Variants in STRIP1 observed in about 807,000 individuals in gnomAD.
STRIP1 encodes the protein striatin-interacting protein 1.
Under a neutral mutation model 106.2 loss-of-function variants are expected in STRIP1, and 63 were observed. The ratio of observed to expected loss-of-function variants is 0.59; its 90% CI spans 0.48 to 0.73. STRIP1 has a LOEUF of 0.73. Among genes scored for constraint, STRIP1 ranks in the 30% least tolerant of loss-of-function variants. STRIP1 has a pLI of 0.00. For missense variants in STRIP1, 857 were observed against 1,074.8 expected (o/e 0.80, Z 2.83); for synonymous variants, 390 against 413.0 (o/e 0.94, Z 0.67).
chr1:110,054,039 C>A lies in STRIP1; in HGVS notation c.*127C>A. On this transcript the variant is annotated 3_prime_UTR_variant, in exon 21 of 21. Transcript: ENST00000369795. ...GGCAGCACAGCCCCACTGTGTCTTC[C>A]GCAGTCTGTCCTGGGCTTGGGTGAG... is the stretch of plus-strand genomic sequence containing the variant. The A allele has an allele frequency of 1.6e-6, 2 of 1,235,482 alleles. No homozygotes were observed. The highest frequency in any genetic ancestry group is 2.3e-5 in the East Asian group (1 of 42,818). The allele number at this position is 1,235,482 out of a possible 1,614,324, so 76.5% of individuals were successfully genotyped here.
At chr1:110,049,422 G>A (rs199778125) in intron 16 of STRIP1, 38 bp from the exon 17 acceptor site, 97 of 1,433,118 alleles carry the variant, frequency 6.8e-5, no homozygotes, top group African/African-American at 2.9e-4. Flanking sequence ...CCCAAGGGCC[G>A]CGCCTTTTTT....
chr1:110,047,812 C>T lies in STRIP1; in HGVS notation c.1604C>T (p.Ser535Leu). 3 of 1,570,096 alleles carry T rather than the reference C, an allele frequency of 1.9e-6. No homozygotes were observed. Among genetic ancestry groups the T allele is most frequent in the Non-Finnish European group, 2.6e-6 (3 of 1,156,342 alleles). The part of the protein sequence containing the change: ...LKILLAAAPT[S>L]KAKTDSINIL... ...ATCCTGTTGGCTGCAGCACCCACCT[C>T]AAAAGCCAAAACAGACTCAATCAAC... The change falls in exon 15 of 21, where the codon TCA becomes TTA. Residue 535 changes from serine (S) to leucine (L), a missense_variant. Ser to Leu is a moderately radical substitution (Grantham distance 145). Transcript: ENST00000369795.
upstream of STRIP1, among the ~76,000 whole-genome samples, chr1:110,034,188 C>T (rs1445179653): frequency 6.6e-6 from 1 of 152,130 alleles, no homozygotes; most frequent in Non-Finnish European, 1.5e-5. Flanking sequence ...TCATTTTATC[C>T]CACTGCTTGG....
At chr1:110,034,851 G>C (rs1439052553) in intron 1 of STRIP1, 34 bp downstream of exon 1, 4 of 1,374,990 alleles carry the variant, frequency 2.9e-6, no homozygotes, top group Non-Finnish European at 3.8e-6. Flanking sequence ...CTCGCACCGG[G>C]TCGGGCGGCG....
chr1:110,045,211 C>A, intron 12 of STRIP1, 133 bp downstream of exon 12: 1 of 718,872 alleles, frequency 1.4e-6, no homozygotes, highest in Non-Finnish European at 2.4e-6. Flanking sequence ...GTGGACTTTG[C>A]AATAACCTTG....
At chr1:110,039,608 A>C in intron 5 of STRIP1, 93 bp downstream of exon 5, 1 of 1,423,892 alleles carries the variant, frequency 7.0e-7, no homozygotes. Flanking sequence ...AGAGGGTTAA[A>C]TGGGGCAGAA....
intron 8 of STRIP1, 189 bp from the exon 9 acceptor site, chr1:110,042,899 T>C (rs1652831580): frequency 1.7e-6 from 1 of 577,802 alleles, no homozygotes; most frequent in Admixed American, 3.1e-5. Context: ...TTGTTCCTTT[T>C]TCTCCTTTCC....
intron 3 of STRIP1, 21 bp from the exon 4 acceptor site, chr1:110,039,151 A>G: frequency 1.9e-6 from 3 of 1,613,356 alleles, no homozygotes; most frequent in Non-Finnish European, 2.5e-6. Context: ...GCTCAGGTGT[A>G]ACTGGTTTCT....
intron 8 of STRIP1, among the ~76,000 whole-genome samples, chr1:110,042,479 C>G (rs958929704): frequency 6.6e-6 from 1 of 152,222 alleles, no homozygotes; most frequent in African/African-American, 2.4e-5. Context: ...TGGGTCAACT[C>G]TGGAGCCAGG....
chr1:110,051,846 A>C lies in STRIP1; in HGVS notation c.2225A>C (p.Lys742Thr). ...AAGACCATGTCTGCCATCTACCAGAAGGTGCGGCATCGGCTGAACGACGAC... is the reference window on the plus strand; with the variant it reads ...AAGACCATGTCTGCCATCTACCAGACGGTGCGGCATCGGCTGAACGACGAC... The part of the protein sequence containing the change: ...NMKTMSAIYQ[K>T]VRHRLNDDWA... The change falls in exon 20 of 21, where the codon AAG becomes ACG. Residue 742 changes from lysine to threonine, a missense_variant. By Grantham distance (78) the Lys-to-Thr change is moderately conservative. Transcript: ENST00000369795. 1 of 1,613,194 alleles carries C rather than the reference A, an allele frequency of 6.2e-7. No homozygotes were observed.
intron 1 of STRIP1, among the ~76,000 whole-genome samples, chr1:110,037,024 G>A (rs1652491623): frequency 6.6e-6 from 1 of 151,976 alleles, no homozygotes; most frequent in African/African-American, 2.4e-5. Flanking sequence ...TATTAGAGAC[G>A]GGGTTTTACC....
intron 18 of STRIP1, 101 bp downstream of exon 18, chr1:110,050,510 G>A: frequency 8.6e-7 from 1 of 1,160,714 alleles, no homozygotes; most frequent in South Asian, 1.3e-5. Flanking sequence ...GTCTCCCGCA[G>A]GTGAAATCAC....
intron 13 of STRIP1, among the ~76,000 whole-genome samples, chr1:110,047,069 T>C (rs1019927745): frequency 6.6e-6 from 1 of 151,788 alleles, no homozygotes; most frequent in African/African-American, 2.4e-5. Context: ...TTAGAGGTCC[T>C]CTTCAGCCCC....
intron 12 of STRIP1, 109 bp downstream of exon 12, chr1:110,045,187 G>T: frequency 1.0e-6 from 1 of 964,306 alleles, no homozygotes; most frequent in East Asian, 2.5e-5. Context: ...CAAGAACCTG[G>T]GGTAGAGGCC....
intron 9 of STRIP1, 67 bp downstream of exon 9, chr1:110,043,337 C>T: frequency 6.7e-7 from 1 of 1,483,082 alleles, no homozygotes; most frequent in Non-Finnish European, 9.2e-7. Flanking sequence ...GCAGCACAGT[C>T]CTTGGAGGAG....
Position 110,043,790 on chromosome 1 carries a change from C to A in STRIP1, c.1220C>A (p.Pro407Gln). 3 of 1,614,178 alleles carry A rather than the reference C, an allele frequency of 1.9e-6. No individual in the cohort carries two copies. The highest frequency in any genetic ancestry group is 1.3e-5 in the African/African-American group (1 of 75,060). The change falls in exon 10 of 21, where the codon CCG becomes CAG. Residue 407 changes from proline to glutamine, a missense_variant. This residue lies in a region of STRIP1 where 750 missense variants were observed against 989.8 expected (regional missense o/e 0.76). Transcript: ENST00000369795. ...PLERDEVMPP[P>Q]LQHPQTDRLT... is the part of the protein sequence containing the mutation. Reference sequence around the variant, plus strand: ...GAACGGGATGAAGTGATGCCTCCCCCGCTACAGCACCCACAGACTGACAGG... The same window carrying A: ...GAACGGGATGAAGTGATGCCTCCCCAGCTACAGCACCCACAGACTGACAGG...
intron 20 of STRIP1, among the ~76,000 whole-genome samples, chr1:110,052,964 C>T (rs1483032668): frequency 6.6e-6 from 1 of 152,234 alleles, no homozygotes; most frequent in African/African-American, 2.4e-5. Flanking sequence ...GATTCAGACT[C>T]AGGCAGGGCA....
intron 6 of STRIP1, among the ~76,000 whole-genome samples, chr1:110,040,946 G>A (rs979970109): frequency 2.0e-5 from 3 of 152,216 alleles, no homozygotes; most frequent in African/African-American, 7.2e-5. Flanking sequence ...ACAGCTAAGT[G>A]TGGCCTCCTA....
chr1:110,033,149 T>C (rs971961079), upstream of STRIP1, among the ~76,000 whole-genome samples: 2 of 152,194 alleles, frequency 1.3e-5, no homozygotes, highest in Non-Finnish European at 2.9e-5. Context: ...TCAGAACTCA[T>C]CTAAAATCAC....
Sources: gnomAD v4.1 joint callset for allele counts (sites outside exome capture counted in the v4.1 genomes callset) on GRCh38, gnomAD v4.1.1 for gene constraint, gnomAD v4.1.1 regional missense constraint, MANE v1.5 for transcripts, NCBI Gene and HGNC (gene_info 2026-07-23, HGNC 2026-07-21) for gene names.